The following PPM1L variants were observed in gnomAD, a reference collection of about 807,000 sequenced individuals.
The protein encoded by PPM1L is protein phosphatase, Mg2+/Mn2+ dependent 1L, also known as protein phosphatase 1L.
PPM1L carries 13 observed loss-of-function variants against 31.4 expected under a neutral mutation model. That is an observed-to-expected ratio of 0.41 (90% confidence interval 0.27 to 0.66). The LOEUF (loss-of-function observed/expected upper bound fraction) is 0.66. PPM1L is among the 30% of genes least tolerant of loss of function. PPM1L has a pLI of 0.29. For missense variants in PPM1L, 326 were observed against 453.7 expected (o/e 0.72, Z 2.56); for synonymous variants, 184 against 175.4 (o/e 1.05, Z -0.39).
chr3:161,041,712 C>T (rs1005800575), intron 2 of PPM1L, among the ~76,000 whole-genome samples: 1 of 152,130 alleles, frequency 6.6e-6, no homozygotes, highest in Non-Finnish European at 1.5e-5. Flanking sequence ...CACACCACTG[C>T]ACTCCAGCCT....
chr3:160,950,196 A>C (rs1055969162), intron 1 of PPM1L, among the ~76,000 whole-genome samples: 1 of 151,972 alleles, frequency 6.6e-6, no homozygotes, highest in African/African-American at 2.4e-5. Context: ...TTGTCAATCC[A>C]CCTCCTTGTA....
At position 160,871,178 on chromosome 3, in the gene PPM1L, T is replaced by G. The variant is rs186459325; in HGVS notation, c.400-90558T>G. Among the ~76,000 whole-genome samples, 21 of 152,306 alleles carry G rather than the reference T, an allele frequency of 1.4e-4. No homozygotes were observed. In the East Asian group the frequency reaches 3.5e-3, roughly 25 times the overall value. ...AAACTGTTGCTGTTGTACTCCAAACTATTTTCTTATAATTGGCACTGTTCA... is the reference window on the plus strand; with the variant it reads ...AAACTGTTGCTGTTGTACTCCAAACGATTTTCTTATAATTGGCACTGTTCA... On this transcript the variant is annotated intron_variant, in intron 1 of 3. Coordinates refer to ENST00000498165, the MANE Select transcript of PPM1L (RefSeq NM_139245.4).
chr3:160,783,977 A>G (rs1300902689), intron 1 of PPM1L, among the ~76,000 whole-genome samples: 2 of 152,226 alleles, frequency 1.3e-5, no homozygotes, highest in African/African-American at 4.8e-5. Flanking sequence ...ATTTTAGGTT[A>G]CAAGTATCTA....
intron 2 of PPM1L, among the ~76,000 whole-genome samples, chr3:160,993,496 T>C (rs1454702298): frequency 6.6e-6 from 1 of 152,164 alleles, no homozygotes. Flanking sequence ...AATAGCTTCT[T>C]GCCTGCTCAG....
chr3:160,861,291 T>G (rs893501241), intron 1 of PPM1L, among the ~76,000 whole-genome samples: 1 of 152,178 alleles, frequency 6.6e-6, no homozygotes, highest in Non-Finnish European at 1.5e-5. Context: ...TAGTGTAATG[T>G]CCTACTGTTG....
At chr3:160,820,760 A>AT (rs1713175534) in intron 1 of PPM1L, among the ~76,000 whole-genome samples, 1 of 152,036 alleles carries the variant, frequency 6.6e-6, no homozygotes, top group Non-Finnish European at 1.5e-5. Context: ...ATATACCATC[A>AT]TCTGTTTATC....
chr3:160,771,543 CTTTTTTTTTTTTT>C lies in PPM1L; in HGVS notation c.399+14851_399+14863del, dbSNP rs745978148. Among the ~76,000 whole-genome samples, 4 of 77,386 alleles carry C rather than the reference CTTTTTTTTTTTTT, an allele frequency of 5.2e-5. 1 individual carries two copies. The highest frequency in any genetic ancestry group is 9.3e-5 in the African/African-American group (2 of 21,596). 50.8% of individuals were successfully genotyped at this position (77,386 alleles called of 152,430 possible). A position where few individuals can be genotyped will look rare whatever the true frequency, so the allele number is the denominator to read the frequency against. On this transcript the variant is annotated intron_variant, in intron 1 of 3. Transcript: ENST00000498165. Reference sequence around the variant, plus strand: ...TAGTCACGAGCCACCAAGGCTGGCTCTTTTTTTTTTTTTTTTTTTTTTTTTTTAAAAAGAGCAT... The same window carrying C: ...TAGTCACGAGCCACCAAGGCTGGCTCTTTTTTTTTTTTTTAAAAAGAGCAT...
At position 160,973,604 on chromosome 3, in the gene PPM1L, A is replaced by G. The variant is rs1576753863; in HGVS notation, c.574+11694A>G. On this transcript the variant is annotated intron_variant, in intron 2 of 3. Coordinates refer to ENST00000498165, the MANE Select transcript of PPM1L (RefSeq NM_139245.4). ...TGGTCCATTTGTAGTAGTGAGAGGTAGGTAAAATGCATCCTTGGTTGACTC... is the reference window on the plus strand; with the variant it reads ...TGGTCCATTTGTAGTAGTGAGAGGTGGGTAAAATGCATCCTTGGTTGACTC... Among the ~76,000 whole-genome samples the G allele has an allele frequency of 4.6e-5, 7 of 152,270 alleles. 1 individual carries two copies. The highest frequency in any genetic ancestry group is 4.6e-4 in the Admixed American group (7 of 15,290).
chr3:160,828,066 A>G (rs945014414), intron 1 of PPM1L, among the ~76,000 whole-genome samples: 1 of 152,110 alleles, frequency 6.6e-6, no homozygotes, highest in Non-Finnish European at 1.5e-5. Flanking sequence ...ATCCACCCTC[A>G]TGACGCAAAC....
chr3:160,890,510 C>T (rs1256390313), intron 1 of PPM1L, among the ~76,000 whole-genome samples: 1 of 152,198 alleles, frequency 6.6e-6, no homozygotes, highest in East Asian at 1.9e-4. Flanking sequence ...ATTTCATCCT[C>T]ATGGATAGTA....
At position 161,074,994 on chromosome 3, in the gene PPM1L, C is replaced by A. The variant is rs1422887462; in HGVS notation, c.*5837C>A. The A allele has an allele frequency of 6.6e-6, 1 of 151,996 alleles. No homozygotes were observed. The highest frequency in any genetic ancestry group is 6.6e-5 in the Admixed American group (1 of 15,254). 9.4% of individuals were successfully genotyped at this position (151,996 alleles called of 1,614,324 possible). A position where few individuals can be genotyped will look rare whatever the true frequency, so the allele number is the denominator to read the frequency against. On this transcript the variant is annotated 3_prime_UTR_variant, in exon 4 of 4. Coordinates refer to ENST00000498165, the MANE Select transcript of PPM1L (RefSeq NM_139245.4). ...GCCAAATCCAAGTTAATCTCAAAAA[C>A]CTCCGAGGACATTGAGCACAAGCAG...
intron 1 of PPM1L, among the ~76,000 whole-genome samples, chr3:160,815,062 C>T (rs530070648): frequency 2.6e-5 from 4 of 152,126 alleles, no homozygotes; most frequent in South Asian, 4.2e-4. Context: ...GTACACTGCT[C>T]AGTTGCACCA....
intron 1 of PPM1L, among the ~76,000 whole-genome samples, chr3:160,919,555 T>C (rs138994961): frequency 3.0e-3 from 464 of 152,334 alleles, no homozygotes; most frequent in African/African-American, 0.011. Context: ...GTTGCAAATA[T>C]TGCATTACTT....
chr3:161,035,292 G>A (rs1307576442), intron 2 of PPM1L, among the ~76,000 whole-genome samples: 1 of 152,024 alleles, frequency 6.6e-6, no homozygotes, highest in Non-Finnish European at 1.5e-5. Context: ...TAACCCAAAC[G>A]GAAAGAAGTG....
chr3:160,797,918 G>A (rs779058), intron 1 of PPM1L, among the ~76,000 whole-genome samples: 2 of 151,762 alleles, frequency 1.3e-5, no homozygotes, highest in Non-Finnish European at 2.9e-5. Context: ...AGTGGCTCAC[G>A]CCTGTAATCC....
At chr3:160,886,213 C>T (rs939816031) in intron 1 of PPM1L, among the ~76,000 whole-genome samples, 5 of 152,196 alleles carry the variant, frequency 3.3e-5, no homozygotes, top group African/African-American at 1.2e-4. Flanking sequence ...TCTCCCTGGG[C>T]CTGTGCCCCT....
At chr3:160,849,997 C>T (rs1300157649) in intron 1 of PPM1L, among the ~76,000 whole-genome samples, 6 of 152,174 alleles carry the variant, frequency 3.9e-5, no homozygotes, top group Non-Finnish European at 8.8e-5. Context: ...TACAATTCAA[C>T]GCAGTTCTGA....
Position 160,979,520 on chromosome 3 carries a change from AT to A in PPM1L, c.574+17621del, listed in dbSNP as rs537590221. Among the ~76,000 whole-genome samples, 229 of 148,884 alleles carry A rather than the reference AT, an allele frequency of 1.5e-3. 1 individual carries two copies. The highest frequency in any genetic ancestry group is 4.3e-3 in the East Asian group (22 of 5,110). On this transcript the variant is annotated intron_variant, in intron 2 of 3. Transcript: ENST00000498165. The stretch of plus-strand genomic sequence containing the variant: ...GGACAGTGGCCCCAGCCAGGAAACA[AT>A]TTTTTTTTTTACATCAATATTCTAG...
chr3:161,056,712 A>G (rs1466243454), intron 2 of PPM1L, among the ~76,000 whole-genome samples: 1 of 152,062 alleles, frequency 6.6e-6, no homozygotes, highest in African/African-American at 2.4e-5. Context: ...TCCTACCCCA[A>G]TCCTTAGCCC....
Sources: gnomAD v4.1 joint callset for allele counts (sites outside exome capture counted in the v4.1 genomes callset) on GRCh38, gnomAD v4.1.1 for gene constraint, MANE v1.5 for transcripts, NCBI Gene and HGNC (gene_info 2026-07-23, HGNC 2026-07-21) for gene names.